ADGRD1: variants seen among roughly 807,000 people sequenced by gnomAD.
ADGRD1 encodes the protein G-protein coupled receptor 133.
In ADGRD1, 77 loss-of-function variants were observed where a neutral mutation model predicts 113.4. The observed-to-expected ratio is 0.68, with a 90% CI of 0.57 to 0.82. ADGRD1 has a LOEUF of 0.82. Among genes scored for constraint, ADGRD1 ranks in the 40% least tolerant of loss-of-function variants. ADGRD1 has a pLI of 0.00. For synonymous variants in ADGRD1, 474 were observed against 475.0 expected (o/e 1.00, Z 0.03); for missense variants, 1,036 against 1,139.1 (o/e 0.91, Z 1.30).
chr12:131,123,039 G>T (rs1352256450), intron 20 of ADGRD1, among the ~76,000 whole-genome samples: 33 of 51,368 alleles, frequency 6.4e-4, no homozygotes, highest in Admixed American at 7.0e-4. Flanking sequence ...TACCTGGGGA[G>T]TTTTTTTTTT....
chr12:131,139,267 G>T lies in ADGRD1; in HGVS notation c.*4G>T, dbSNP rs375701134. ...CGTCGACCTGTCAGCCGTGTGAGCC[G>T]GGAGGCTGCCAACCAGGCCAGGCTG... On this transcript the variant is annotated 3_prime_UTR_variant, in exon 25 of 25. Transcript: ENST00000261654. The T allele has an allele frequency of 6.2e-7, 1 of 1,605,944 alleles. No individual in the cohort carries two copies. Among genetic ancestry groups the T allele is most frequent in the African/African-American group, 1.3e-5 (1 of 74,768 alleles).
intron 13 of ADGRD1, among the ~76,000 whole-genome samples, chr12:131,066,260 C>T (rs962702253): frequency 2.6e-5 from 4 of 152,138 alleles, no homozygotes; most frequent in Admixed American, 6.5e-5. Context: ...ACGGGGAGGG[C>T]GGAGGATGTG....
chr12:131,025,399 C>T lies in ADGRD1; in HGVS notation c.1473+11059C>T, dbSNP rs139740855. On this transcript the variant is annotated intron_variant, in intron 13 of 24. Coordinates refer to ENST00000261654, the MANE Select transcript of ADGRD1 (RefSeq NM_198827.5). ...GATTTCCCCTGGCGGCACTCTGTCACGGGCCGTGAGGAGGAGGTGAACTCA... is the reference window on the plus strand; with the variant it reads ...GATTTCCCCTGGCGGCACTCTGTCATGGGCCGTGAGGAGGAGGTGAACTCA... Among the ~76,000 whole-genome samples the T allele has an allele frequency of 2.0e-4, 30 of 152,312 alleles. No individual in the cohort carries two copies. In the East Asian group the frequency reaches 5.4e-3, roughly 27 times the overall value.
chr12:131,035,338 C>T (rs764622870), intron 13 of ADGRD1: 20 of 152,510 alleles, frequency 1.3e-4, no homozygotes, highest in South Asian at 1.2e-3. Flanking sequence ...GTGCGCCATG[C>T]GTTGTGCTTG....
At chr12:131,087,672 A>C (rs1291092629) in intron 15 of ADGRD1, among the ~76,000 whole-genome samples, 1 of 151,992 alleles carries the variant, frequency 6.6e-6, no homozygotes, top group Non-Finnish European at 1.5e-5. Flanking sequence ...TTCCTTAAGG[A>C]GTGTTTCCCC....
intron 21 of ADGRD1, 120 bp from the exon 22 acceptor site, chr12:131,135,917 G>T: frequency 9.6e-7 from 1 of 1,047,064 alleles, no homozygotes; most frequent in Non-Finnish European, 1.4e-6. Flanking sequence ...AGGACCCCAG[G>T]TCTTGCTCCC....
At chr12:131,098,134 G>GCCTTCTCCCA (rs1887431961) in intron 15 of ADGRD1, among the ~76,000 whole-genome samples, 1 of 42,644 alleles carries the variant, frequency 2.3e-5, no homozygotes, top group Non-Finnish European at 6.3e-5. Flanking sequence ...CTGTCCTCCC[G>GCCTTCTCCCA]CGGTGGCCGC....
chr12:131,039,697 A>G (rs1032821032), intron 13 of ADGRD1, among the ~76,000 whole-genome samples: 2 of 151,896 alleles, frequency 1.3e-5, no homozygotes, highest in Non-Finnish European at 2.9e-5. Flanking sequence ...CTGGGGTGGC[A>G]CTCCCTGGAG....
intron 12 of ADGRD1, among the ~76,000 whole-genome samples, chr12:131,010,860 G>A (rs1454367119): frequency 6.6e-6 from 1 of 152,190 alleles, no homozygotes; most frequent in African/African-American, 2.4e-5. Context: ...CTTTCCCCGG[G>A]CAGAGATGGA....
At chr12:131,004,050 C>G in intron 10 of ADGRD1, 136 bp from the exon 11 acceptor site, 11 of 456,090 alleles carry the variant, frequency 2.4e-5, no homozygotes, top group Non-Finnish European at 2.4e-5. Flanking sequence ...TGAGGCCATG[C>G]TTTCTAAAGG....
At chr12:130,978,424 A>G (rs933008536) in intron 4 of ADGRD1, 2 of 152,170 alleles carry the variant, frequency 1.3e-5, no homozygotes, top group Non-Finnish European at 2.9e-5. Context: ...ACAAGAAAAA[A>G]TTATCAAATT....
chr12:131,073,311 C>T (rs991804895), intron 13 of ADGRD1, among the ~76,000 whole-genome samples: 2 of 152,232 alleles, frequency 1.3e-5, no homozygotes, highest in Admixed American at 6.5e-5. Context: ...CCCATTACTT[C>T]TGTTATCCTT....
At chr12:131,061,563 A>T (rs2137088029) in intron 13 of ADGRD1, among the ~76,000 whole-genome samples, 1 of 152,354 alleles carries the variant, frequency 6.6e-6, no homozygotes, top group South Asian at 2.1e-4. Context: ...ATTCACAGGA[A>T]GTTGCAAAAA....
chr12:131,031,835 A>G (rs1422494326), intron 13 of ADGRD1, among the ~76,000 whole-genome samples: 1 of 152,182 alleles, frequency 6.6e-6, no homozygotes, highest in Non-Finnish European at 1.5e-5. Context: ...CACTTCTGCC[A>G]ACACTCGGAA....
chr12:131,079,018 A>G (rs944325105), intron 14 of ADGRD1, among the ~76,000 whole-genome samples: 2 of 151,870 alleles, frequency 1.3e-5, no homozygotes, highest in African/African-American at 4.8e-5. Flanking sequence ...CCTTCCTCTC[A>G]CGTCCGGCTC....
In ADGRD1 at chr12:131,003,580, G is replaced by A. The variant is rs1487372977; in HGVS notation, c.1144+278G>A. 6.6e-6 allele frequency among the ~76,000 whole-genome samples: 1 copy of A among 152,264 alleles called. No homozygotes were observed. The highest frequency in any genetic ancestry group is 2.4e-5 in the African/African-American group (1 of 41,466). ...TCTCGGTTCAGAGCAGGAGGCAGAA[G>A]CAGCAGTGCCTGCAAGAGTCTGTGG... On this transcript the variant is annotated intron_variant, in intron 10 of 24. Transcript: ENST00000261654. The surrounding 1 kb of genome is among the most constrained non-coding windows in gnomAD (Gnocchi z 4.8).
Position 130,954,631 on chromosome 12 carries a change from G to T in ADGRD1, c.74G>T (p.Gly25Val). The T allele has an allele frequency of 6.2e-7, 1 of 1,613,822 alleles. No homozygotes were observed. Among genetic ancestry groups the T allele is most frequent in the African/African-American group, 1.3e-5 (1 of 75,058 alleles). ...LLFYYNFQVR[G>V]VYSRSQDHPG... Reference sequence around the variant, plus strand: ...GTGGTCTTTTGTGCGCAGGTGCGTGGCGTCTACTCCAGATCGCAGGACCAT... The same window carrying T: ...GTGGTCTTTTGTGCGCAGGTGCGTGTCGTCTACTCCAGATCGCAGGACCAT... The change falls in exon 2 of 25, where the codon GGC becomes GTC. Residue 25 changes from glycine (G) to valine (V), a missense_variant. By Grantham distance (109) the Gly-to-Val change is moderately radical. Transcript: ENST00000261654. The surrounding 1 kb of genome is among the most constrained non-coding windows in gnomAD (Gnocchi z 4.7).
chr12:131,014,436 A>G lies in ADGRD1; in HGVS notation c.1473+96A>G, dbSNP rs560119615. The G allele has an allele frequency of 8.4e-5, 100 of 1,186,492 alleles. No individual in the cohort carries two copies. The African/African-American group carries it at 1.2e-3, about 15-fold the overall frequency. 73.5% of individuals were successfully genotyped at this position (1,186,492 alleles called of 1,614,324 possible). A position where few individuals can be genotyped will look rare whatever the true frequency, so the allele number is the denominator to read the frequency against. The stretch of plus-strand genomic sequence containing the variant: ...TGTGTGCTTGCATAAAGAATCTCCA[A>G]CAGCCTTGGTGCCGGCCCGAACTGG... On this transcript the variant is annotated intron_variant, in intron 13 of 24. Coordinates refer to ENST00000261654, the MANE Select transcript of ADGRD1 (RefSeq NM_198827.5).
In ADGRD1 at chr12:130,982,021, C is replaced by G. The variant is rs144030317; in HGVS notation, c.448C>G (p.Arg150Gly). 15 of 1,613,918 alleles carry G rather than the reference C, an allele frequency of 9.3e-6. No individual in the cohort carries two copies. Among genetic ancestry groups the G allele is most frequent in the Non-Finnish European group, 1.3e-5 (15 of 1,179,858 alleles). ...CAGAGGCTCTGTGGAGCTGTATACG[C>G]GGGACAATTCCATGACATGGGAGGC... ...GGRGSVELYT[R>G]DNSMTWEASF... The change falls in exon 5 of 25, where the codon CGG (arginine) becomes GGG (glycine). Residue 150 changes from arginine (R) to glycine (G), a missense_variant. Transcript: ENST00000261654.
Sources: allele counts gnomAD v4.1 joint callset (sites outside exome capture counted in the v4.1 genomes callset), GRCh38; gene constraint gnomAD v4.1.1; non-coding constraint Gnocchi (gnomAD v3.1); transcripts MANE v1.5; gene names NCBI Gene and HGNC (gene_info 2026-07-23, HGNC 2026-07-21).